Variants in KRTCAP3 observed in about 807,000 individuals in gnomAD.
The protein encoded by KRTCAP3 is keratinocyte-associated protein 3.
KRTCAP3 carries 18 observed loss-of-function variants against 20.5 expected under a neutral mutation model. That is an observed-to-expected ratio of 0.88 (90% confidence interval 0.61 to 1.31). The LOEUF is 1.31. Among genes scored for constraint, KRTCAP3 ranks in the 50% most tolerant of loss-of-function variants. The pLI is 0.00. For synonymous variants in KRTCAP3, 167 were observed against 133.7 expected (o/e 1.25, Z -1.72); for missense variants, 347 against 310.4 (o/e 1.12, Z -0.89).
At chr2:27,443,559 A>T (rs1664752940) in intron 5 of KRTCAP3, 27 bp downstream of exon 5, 1 of 1,613,138 alleles carries the variant, frequency 6.2e-7, no homozygotes, top group African/African-American at 1.3e-5. Flanking sequence ...GGAAGGGTTC[A>T]TTCCACAGAG....
In KRTCAP3 at chr2:27,442,880, G is replaced by C. The variant is rs1315900190; in HGVS notation, c.252G>C (p.Arg84Ser). Residue 84 changes from arginine (R) to serine (S), a missense_variant, in exon 3 of 7, where the codon AGG (arginine) becomes AGC (serine). By Grantham distance (110) the Arg-to-Ser change is moderately radical. Coordinates refer to ENST00000288873, the MANE Select transcript of KRTCAP3 (RefSeq NM_173853.4). ...GACTTGTGGCCCTCCTGGCGTCCAG[G>C]AACCTTCTTCGCCCTCCACTGGTGA... Reference protein sequence around the residue: ...SVGLVALLASRNLLRPPLHWV... With the variant: ...SVGLVALLASSNLLRPPLHWV... The C allele has an allele frequency of 1.9e-6, 3 of 1,612,848 alleles. 1 individual carries two copies. Among genetic ancestry groups the C allele is most frequent in the Admixed American group, 3.3e-5 (2 of 60,014 alleles).
chr2:27,442,457 G>T lies in KRTCAP3; in HGVS notation c.28+17G>T, dbSNP rs769112319. 1 of 1,567,566 alleles carries T rather than the reference G, an allele frequency of 6.4e-7. No individual in the cohort carries two copies. Among genetic ancestry groups the T allele is most frequent in the South Asian group, 1.2e-5 (1 of 85,340 alleles). On this transcript the variant is annotated intron_variant, in intron 1 of 6. Transcript: ENST00000288873. Reference sequence around the variant, plus strand: ...GCGCTTTCGGTAACTTCCGGGCCCTGGCGTCTCGTCTCCTTACCCTGGGGC... The same window carrying T: ...GCGCTTTCGGTAACTTCCGGGCCCTTGCGTCTCGTCTCCTTACCCTGGGGC...
Position 27,442,783 on chromosome 2 carries a change from C to A in KRTCAP3, c.213+20C>A, listed in dbSNP as rs780073398. The A allele has an allele frequency of 1.9e-6, 3 of 1,610,642 alleles. No homozygotes were observed. The highest frequency in any genetic ancestry group is 2.7e-5 in the African/African-American group (2 of 74,778). ...CTGCTGGTGAGCGCGGCAGGCGACC[C>A]GGGCGGGGGCCGGGCTCCCGGAGAG... On this transcript the variant is annotated intron_variant, in intron 2 of 6. Transcript: ENST00000288873.
rs750082263 is a variant in KRTCAP3 at position 27,442,608 on chromosome 2, C to G, written c.58C>G (p.Arg20Gly). Reference sequence around the variant, plus strand: ...CGCCCGGGGGCCCAGGCGGCTGATGCGTGTGGGCCTCGCGCTGATCTTGGT... The same window carrying G: ...CGCCCGGGGGCCCAGGCGGCTGATGGGTGTGGGCCTCGCGCTGATCTTGGT... ...DAARGPRRLMRVGLALILVGH... is the reference protein window; with the variant it reads ...DAARGPRRLMGVGLALILVGH... The change falls in exon 2 of 7, where the codon CGT becomes GGT. Residue 20 changes from arginine (R) to glycine (G), a missense_variant. By Grantham distance (125) the Arg-to-Gly change is moderately radical. Coordinates refer to ENST00000288873, the MANE Select transcript of KRTCAP3 (RefSeq NM_173853.4). 1.5e-5 allele frequency: 23 copies of G among 1,556,448 alleles called. No homozygotes were observed. Among genetic ancestry groups the G allele is most frequent in the African/African-American group, 1.2e-4 (9 of 73,332 alleles).
downstream of KRTCAP3, chr2:27,445,976 C>A (rs772023412): frequency 6.2e-7 from 1 of 1,614,198 alleles, no homozygotes; most frequent in East Asian, 2.2e-5. This position sits in a 1 kb window ranked among gnomAD's most constrained non-coding sequence, Gnocchi z 4.4. Context: ...GCCATGTTAT[C>A]CCAGCCAACT....
rs781305415 is a variant in KRTCAP3, at chr2:27,442,419, C to T, written c.7C>T (p.Arg3Cys). The T allele has an allele frequency of 1.3e-6, 2 of 1,563,524 alleles. No homozygotes were observed. Among genetic ancestry groups the T allele is most frequent in the East Asian group, 2.4e-5 (1 of 41,832 alleles). MR[R>C]CSLCAFDAAR... ...GGCTGGCGCGGCGGACGGGATGAGG[C>T]GCTGCAGTCTCTGCGCTTTCGGTAA... Residue 3 changes from arginine (R) to cysteine (C), a missense_variant, in exon 1 of 7, where the codon CGC (arginine) becomes TGC (cysteine). Coordinates refer to ENST00000288873, the MANE Select transcript of KRTCAP3 (RefSeq NM_173853.4).
At chr2:27,446,300 G>A, downstream of KRTCAP3, 1 of 1,614,228 alleles carries the variant, frequency 6.2e-7, no homozygotes, top group Non-Finnish European at 8.5e-7. Context: ...TTTGTCTACA[G>A]GTAGTAGCTG....
In KRTCAP3 at chr2:27,442,474, C is replaced by T. The variant is rs763077298; in HGVS notation, c.28+34C>T. On this transcript the variant is annotated intron_variant, in intron 1 of 6. Coordinates refer to ENST00000288873, the MANE Select transcript of KRTCAP3 (RefSeq NM_173853.4). ...CGGGCCCTGGCGTCTCGTCTCCTTACCCTGGGGCTACCCTTGCCCCGTCCT... is the reference window on the plus strand; with the variant it reads ...CGGGCCCTGGCGTCTCGTCTCCTTATCCTGGGGCTACCCTTGCCCCGTCCT... 9 of 1,560,376 alleles carry T rather than the reference C, an allele frequency of 5.8e-6. No individual in the cohort carries two copies. The South Asian group carries it at 1.1e-4, about 18-fold the overall frequency.
Position 27,443,965 on chromosome 2 carries a change from A to G in KRTCAP3, c.632A>G (p.Glu211Gly), listed in dbSNP as rs763590844. ...CTTCTGCAGCTAGAGGAAATGACAG[A>G]GCTTGAATCTCCTAAATGTAAAAGG... Reference protein sequence around the residue: ...GLQGQLEEMTELESPKCKRQE... With the variant: ...GLQGQLEEMTGLESPKCKRQE... Residue 211 changes from glutamate to glycine, a missense_variant, in exon 6 of 7, where the codon GAG becomes GGG. Transcript: ENST00000288873. The G allele has an allele frequency of 2.2e-5, 36 of 1,603,528 alleles. No homozygotes were observed. The highest frequency in any genetic ancestry group is 1.7e-4 in the Middle Eastern group (1 of 6,046).
chr2:27,443,562 C>A (rs1553319622), intron 5 of KRTCAP3, 30 bp downstream of exon 5: 2 of 1,612,722 alleles, frequency 1.2e-6, no homozygotes, highest in African/African-American at 1.3e-5. Flanking sequence ...AGGGTTCATT[C>A]CACAGAGACT....
rs770099380 is a variant in KRTCAP3, at chr2:27,443,477, C to T, written c.560C>T (p.Ala187Val). ...GCTCTATCTGGTTACTGCTGTGTGG[C>T]TGCACTCACTCTACGTGGAGTTGGG... ...EAALSGYCCV[A>V]ALTLRGVGPC... Residue 187 changes from alanine (A) to valine (V), a missense_variant, in exon 5 of 7, where the codon GCT becomes GTT. Physicochemically the swap from Ala to Val is moderately conservative, Grantham distance 64. Coordinates refer to ENST00000288873, the MANE Select transcript of KRTCAP3 (RefSeq NM_173853.4). The T allele has an allele frequency of 6.8e-6, 11 of 1,613,998 alleles. No homozygotes were observed. The highest frequency in any genetic ancestry group is 6.8e-6 in the Non-Finnish European group (8 of 1,180,004).
chr2:27,442,456 T>C lies in KRTCAP3; in HGVS notation c.28+16T>C. On this transcript the variant is annotated intron_variant, in intron 1 of 6. Coordinates refer to ENST00000288873, the MANE Select transcript of KRTCAP3 (RefSeq NM_173853.4). ...TGCGCTTTCGGTAACTTCCGGGCCC[T>C]GGCGTCTCGTCTCCTTACCCTGGGG... is the stretch of plus-strand genomic sequence containing the variant. 1 of 1,567,340 alleles carries C rather than the reference T, an allele frequency of 6.4e-7. No homozygotes were observed. The highest frequency in any genetic ancestry group is 8.6e-7 in the Non-Finnish European group (1 of 1,156,428).
chr2:27,445,732 C>A (rs867633277), downstream of KRTCAP3: 1 of 1,614,096 alleles, frequency 6.2e-7, no homozygotes, highest in Middle Eastern at 1.7e-4. The surrounding 1 kb of genome is among the most constrained non-coding windows in gnomAD (Gnocchi z 4.4). Context: ...GTTTTCCAAC[C>A]CTGTGCCCTT....
intron 5 of KRTCAP3, 41 bp from the exon 6 acceptor site, chr2:27,443,908 T>A (rs1182844090): frequency 9.1e-7 from 1 of 1,095,334 alleles, no homozygotes; most frequent in African/African-American, 1.5e-5. Context: ...TGCTGACCTA[T>A]CATTCAGGGC....
intron 5 of KRTCAP3, among the ~76,000 whole-genome samples, 172 bp downstream of exon 5, chr2:27,443,704 C>A (rs1385580486): frequency 1.3e-5 from 2 of 151,970 alleles, no homozygotes; most frequent in Non-Finnish European, 2.9e-5. Context: ...CATGGTGAAA[C>A]CTCGTCTCTA....
At chr2:27,442,818 C>G (rs1664698718) in intron 2 of KRTCAP3, 24 bp from the exon 3 acceptor site, 1 of 1,611,574 alleles carries the variant, frequency 6.2e-7, no homozygotes, top group Non-Finnish European at 8.5e-7. Flanking sequence ...GCCCAGCAGG[C>G]CAAAGGCTTT....
In KRTCAP3 at chr2:27,442,411, G is replaced by C; in HGVS notation, c.-2G>C. 1.3e-6 allele frequency: 2 copies of C among 1,559,044 alleles called. No homozygotes were observed. The highest frequency in any genetic ancestry group is 1.7e-6 in the Non-Finnish European group (2 of 1,152,748). On this transcript the variant is annotated 5_prime_UTR_variant, in exon 1 of 7. Transcript: ENST00000288873. ...GGCCCTGCGGCTGGCGCGGCGGACGGGATGAGGCGCTGCAGTCTCTGCGCT... is the reference window on the plus strand; with the variant it reads ...GGCCCTGCGGCTGGCGCGGCGGACGCGATGAGGCGCTGCAGTCTCTGCGCT...
Position 27,442,682 on chromosome 2 carries a change from G to A in KRTCAP3, c.132G>A (p.Leu44=). ...GGGCCGTGCTGCATGGCACCGTCCT[G>A]CGGCACGTGGCCAATCCCCGCGGCG... ...LLGAVLHGTV[L]RHVANPRGAV... is the part of the protein sequence containing the mutation. Residue 44 remains leucine (L), a synonymous_variant, in exon 2 of 7, where the codon CTG becomes CTA. Coordinates refer to ENST00000288873, the MANE Select transcript of KRTCAP3 (RefSeq NM_173853.4). The A allele has an allele frequency of 3.2e-6, 5 of 1,586,722 alleles. No homozygotes were observed. Among genetic ancestry groups the A allele is most frequent in the Non-Finnish European group, 4.3e-6 (5 of 1,165,832 alleles).
At chr2:27,444,740 C>T (rs995056984), downstream of KRTCAP3, among the ~76,000 whole-genome samples, 2 of 152,142 alleles carry the variant, frequency 1.3e-5, no homozygotes, top group African/African-American at 4.8e-5. Context: ...CTCTGCCTCT[C>T]GGGTTTAAGC....
Sources: gnomAD v4.1 joint callset for allele counts (sites outside exome capture counted in the v4.1 genomes callset) on GRCh38, gnomAD v4.1.1 for gene constraint, Gnocchi (gnomAD v3.1) non-coding constraint, MANE v1.5 for transcripts, NCBI Gene and HGNC (gene_info 2026-07-23, HGNC 2026-07-21) for gene names.